TRERF1: variants seen among roughly 807,000 people sequenced by gnomAD.
The protein encoded by TRERF1 is transcriptional regulating factor 1.
TRERF1 carries 27 observed loss-of-function variants against 122.9 expected under a neutral mutation model. The ratio of observed to expected loss-of-function variants is 0.22; its 90% CI spans 0.16 to 0.30. TRERF1 has a LOEUF of 0.30. Ranked by LOEUF, TRERF1 falls within the 10% of genes least tolerant of loss-of-function variation. The pLI is 1.00. For missense variants in TRERF1, 1,248 were observed against 1,560.3 expected (o/e 0.80, Z 3.37); for synonymous variants, 636 against 641.7 (o/e 0.99, Z 0.13).
chr6:42,428,486 G>A (rs925085812), intron 2 of TRERF1, among the ~76,000 whole-genome samples: 6 of 152,190 alleles, frequency 3.9e-5, no homozygotes, highest in African/African-American at 9.7e-5. Flanking sequence ...GAGGGGGTGC[G>A]AGAGGGTGAA....
chr6:42,398,935 C>T (rs1033674541), intron 2 of TRERF1, among the ~76,000 whole-genome samples: 5 of 152,198 alleles, frequency 3.3e-5, no homozygotes, highest in Admixed American at 6.5e-5. Context: ...GGCCTGGAAC[C>T]TACATTGTGT....
intron 3 of TRERF1, among the ~76,000 whole-genome samples, chr6:42,356,291 G>A (rs1182360261): frequency 6.6e-6 from 1 of 152,226 alleles, no homozygotes; most frequent in Non-Finnish European, 1.5e-5. Context: ...CTATGTTGAA[G>A]CCCTAAACCC....
chr6:42,337,416 G>A (rs1036611249), intron 3 of TRERF1, among the ~76,000 whole-genome samples: 3 of 152,140 alleles, frequency 2.0e-5, no homozygotes, highest in African/African-American at 7.2e-5. Flanking sequence ...AGGCCCCTGC[G>A]GTTTTTCTCT....
At chr6:42,429,670 C>A (rs1370549485) in intron 2 of TRERF1, among the ~76,000 whole-genome samples, 1 of 152,200 alleles carries the variant, frequency 6.6e-6, no homozygotes, top group Non-Finnish European at 1.5e-5. Context: ...CCCAAGGACA[C>A]AGCACTGGAC....
chr6:42,397,032 A>T (rs1778711169), intron 2 of TRERF1, among the ~76,000 whole-genome samples: 1 of 152,210 alleles, frequency 6.6e-6, no homozygotes, highest in Non-Finnish European at 1.5e-5. Context: ...TAGCAGCAGA[A>T]TCACAGACCC....
At chr6:42,334,811 G>C (rs1765855571) in intron 3 of TRERF1, among the ~76,000 whole-genome samples, 1 of 152,242 alleles carries the variant, frequency 6.6e-6, no homozygotes, top group African/African-American at 2.4e-5. Flanking sequence ...AGCTCTGAGT[G>C]AGCGGCAGAG....
chr6:42,255,490 T>C (rs1776576965), intron 12 of TRERF1, among the ~76,000 whole-genome samples: 1 of 152,216 alleles, frequency 6.6e-6, no homozygotes, highest in Non-Finnish European at 1.5e-5. Flanking sequence ...ATCTTGCTAC[T>C]CTAAGTGTGG....
At chr6:42,413,415 G>A (rs1781393403) in intron 2 of TRERF1, among the ~76,000 whole-genome samples, 1 of 149,668 alleles carries the variant, frequency 6.7e-6, no homozygotes. Flanking sequence ...GCACTTACTG[G>A]ATCAGAATCT....
At chr6:42,309,113 C>T (rs1245056609) in intron 3 of TRERF1, among the ~76,000 whole-genome samples, 2 of 152,104 alleles carry the variant, frequency 1.3e-5, no homozygotes, top group Non-Finnish European at 2.9e-5. Context: ...TTTAAAAGAA[C>T]AACCTGGGTG....
At chr6:42,444,625 C>A (rs1480620731) in intron 2 of TRERF1, among the ~76,000 whole-genome samples, 1 of 152,146 alleles carries the variant, frequency 6.6e-6, no homozygotes, top group Non-Finnish European at 1.5e-5. Flanking sequence ...AAGTATCCCC[C>A]ACCCCCTTAC....
chr6:42,264,620 C>T, intron 7 of TRERF1, 84 bp downstream of exon 7: 1 of 1,555,926 alleles, frequency 6.4e-7, no homozygotes, highest in Non-Finnish European at 8.7e-7. Context: ...CCGCATGGGG[C>T]TCACATCACT....
At chr6:42,420,729 G>T (rs1782640197) in intron 2 of TRERF1, among the ~76,000 whole-genome samples, 1 of 152,056 alleles carries the variant, frequency 6.6e-6, no homozygotes. Flanking sequence ...TTTCAATCAA[G>T]AATCAAACCC....
intron 4 of TRERF1, among the ~76,000 whole-genome samples, chr6:42,284,804 T>C (rs1167311996): frequency 6.6e-6 from 1 of 152,204 alleles, no homozygotes; most frequent in African/African-American, 2.4e-5. Flanking sequence ...TAGATGTCTC[T>C]GAACTATGCC....
intron 2 of TRERF1, among the ~76,000 whole-genome samples, chr6:42,384,170 G>T (rs1214798611): frequency 1.3e-5 from 2 of 152,030 alleles, no homozygotes; most frequent in Non-Finnish European, 2.9e-5. Context: ...CATACACAAG[G>T]ATACTCACTG....
chr6:42,338,775 C>T (rs74409825), intron 3 of TRERF1, among the ~76,000 whole-genome samples: 5,669 of 152,242 alleles, frequency 0.037, 168 homozygotes, highest in South Asian at 0.074. Flanking sequence ...GAGGTCCTTC[C>T]GCACCATAAT....
intron 2 of TRERF1, among the ~76,000 whole-genome samples, chr6:42,377,612 G>A (rs1775137884): frequency 6.6e-6 from 1 of 152,188 alleles, no homozygotes; most frequent in East Asian, 1.9e-4. Context: ...CATCCGTGGG[G>A]CTGCTTGGGC....
intron 2 of TRERF1, among the ~76,000 whole-genome samples, chr6:42,429,902 A>T (rs761643042): frequency 1.1e-4 from 16 of 152,110 alleles, no homozygotes; most frequent in South Asian, 4.1e-4. Flanking sequence ...ACCTAACTGG[A>T]GAGGTGAGGA....
At chr6:42,320,890 T>C (rs980900348) in intron 3 of TRERF1, among the ~76,000 whole-genome samples, 1 of 152,014 alleles carries the variant, frequency 6.6e-6, no homozygotes, top group South Asian at 2.1e-4. Context: ...TGGGACAACT[T>C]TGTGGAAAAC....
At chr6:42,430,067 G>C (rs940392724) in intron 2 of TRERF1, among the ~76,000 whole-genome samples, 1 of 151,854 alleles carries the variant, frequency 6.6e-6, no homozygotes, top group Non-Finnish European at 1.5e-5. Context: ...CAGATATGGG[G>C]CTGGAGAGGA....
Sources: allele counts gnomAD v4.1 joint callset (sites outside exome capture counted in the v4.1 genomes callset), GRCh38; gene constraint gnomAD v4.1.1; transcripts MANE v1.5; gene names NCBI Gene and HGNC (gene_info 2026-07-23, HGNC 2026-07-21).